PLXNA2: variants seen among roughly 807,000 people sequenced by gnomAD.
The protein encoded by PLXNA2 is plexin-A2.
Under a neutral mutation model 193.5 loss-of-function variants are expected in PLXNA2, and 91 were observed. The ratio of observed to expected loss-of-function variants is 0.47; its 90% CI spans 0.40 to 0.56. The LOEUF is 0.56. PLXNA2 is among the 20% of genes least tolerant of loss of function. The pLI is 0.00. For synonymous variants in PLXNA2, 997 were observed against 1,027.3 expected, an observed-to-expected ratio of 0.97 and a Z score of 0.56; for missense variants, 1,995 against 2,503.2, an observed-to-expected ratio of 0.80 and a Z score of 4.33.
rs556281000 is a variant in PLXNA2, at chr1:208,055,093, G to C, written c.2739-555C>G. Among the ~76,000 whole-genome samples the C allele has an allele frequency of 1.1e-3, 160 of 152,290 alleles. 2 individuals carry two copies. The South Asian group carries it at 0.033, about 31-fold the overall frequency. On this transcript the variant is annotated intron_variant, in intron 13 of 31. Transcript: ENST00000367033. ...AGAAGGAGCTCCCTGCAGAACGGGAGGGGTGGAGTCCTGCCGCAGTAGGCA... is the reference window on the plus strand; with the variant it reads ...AGAAGGAGCTCCCTGCAGAACGGGACGGGTGGAGTCCTGCCGCAGTAGGCA...
rs1671867121 is a variant in PLXNA2 at position 208,236,674 on chromosome 1, G to GCTGTC, written c.-81+6968_-81+6969insGACAG. On this transcript the variant is annotated intron_variant, in intron 1 of 31. Transcript: ENST00000367033. This position sits in a 1 kb window ranked among gnomAD's most constrained non-coding sequence, Gnocchi z 4.4. ...CTCAGTGAGTTGTCTACCACTCTCA[G>GCTGTC]AAGCACTGGGGTTACAGCTCCTCAT... Among the ~76,000 whole-genome samples the GCTGTC allele has an allele frequency of 1.3e-5, 2 of 152,198 alleles. No homozygotes were observed. Among genetic ancestry groups the GCTGTC allele is most frequent in the African/African-American group, 4.8e-5 (2 of 41,426 alleles).
chr1:208,173,223 A>G (rs1475152240), intron 3 of PLXNA2, among the ~76,000 whole-genome samples: 3 of 152,246 alleles, frequency 2.0e-5, no homozygotes, highest in African/African-American at 7.2e-5. Flanking sequence ...GATGGCACAG[A>G]AAACATTATG....
intron 2 of PLXNA2, among the ~76,000 whole-genome samples, chr1:208,213,765 T>C (rs1253443307): frequency 6.6e-6 from 1 of 152,204 alleles, no homozygotes; most frequent in African/African-American, 2.4e-5. Context: ...TCAGGGTCTT[T>C]AAGGGGCCAT....
At chr1:208,048,036 G>T (rs1665134958) in intron 17 of PLXNA2, among the ~76,000 whole-genome samples, 1 of 152,268 alleles carries the variant, frequency 6.6e-6, no homozygotes, top group African/African-American at 2.4e-5. Flanking sequence ...CCAATTCCTG[G>T]GTTCTGCAAG....
chr1:208,181,651 A>G (rs181104717), intron 3 of PLXNA2, among the ~76,000 whole-genome samples: 1 of 152,246 alleles, frequency 6.6e-6, no homozygotes, highest in East Asian at 1.9e-4. Flanking sequence ...GAAGTCAGAG[A>G]GGGGCTGGGA....
At chr1:208,152,160 C>T (rs371951934) in intron 3 of PLXNA2, among the ~76,000 whole-genome samples, 5 of 152,296 alleles carry the variant, frequency 3.3e-5, no homozygotes, top group African/African-American at 1.2e-4. Flanking sequence ...ATGGCATTTC[C>T]AGCTGTAGGG....
chr1:208,102,899 T>C (rs1667141350), intron 5 of PLXNA2, among the ~76,000 whole-genome samples: 1 of 152,152 alleles, frequency 6.6e-6, no homozygotes, highest in Admixed American at 6.5e-5. Context: ...AGCACCTCAC[T>C]TCAGAGCAGC....
At chr1:208,215,338 T>C (rs1412792487) in intron 2 of PLXNA2, among the ~76,000 whole-genome samples, 2 of 152,142 alleles carry the variant, frequency 1.3e-5, no homozygotes, top group African/African-American at 2.4e-5. Context: ...CCTAGTACAG[T>C]GCCAGGCATT....
chr1:208,110,054 G>C (rs4240825), intron 4 of PLXNA2, among the ~76,000 whole-genome samples: 145,233 of 152,326 alleles, frequency 0.95, 69,621 homozygotes, highest in East Asian at 1. Flanking sequence ...AGTGTACTAT[G>C]CTTCCCTTGA....
rs779829174 is a variant in PLXNA2 at position 208,038,525 on chromosome 1, G to A, written c.4661-51C>T. 7.7e-6 allele frequency: 11 copies of A among 1,422,868 alleles called. No homozygotes were observed. Among genetic ancestry groups the A allele is most frequent in the Middle Eastern group, 1.9e-4 (1 of 5,350 alleles). 88.1% of individuals were successfully genotyped at this position (1,422,868 alleles called of 1,614,324 possible). A position where few individuals can be genotyped will look rare whatever the true frequency, so the allele number is the denominator to read the frequency against. ...GCGGCGTGAGAGGGATGAGGGCTGTGAGCCAGTGTCTCCCGATTGCACCTT... is the reference window on the plus strand; with the variant it reads ...GCGGCGTGAGAGGGATGAGGGCTGTAAGCCAGTGTCTCCCGATTGCACCTT... On this transcript the variant is annotated intron_variant, in intron 25 of 31. Transcript: ENST00000367033. The surrounding 1 kb of genome is among the most constrained non-coding windows in gnomAD (Gnocchi z 4.1).
At chr1:208,106,824 C>T (rs1387251242) in intron 4 of PLXNA2, among the ~76,000 whole-genome samples, 1 of 152,200 alleles carries the variant, frequency 6.6e-6, no homozygotes, top group Admixed American at 6.5e-5. Context: ...TCTGACAGTG[C>T]TGCCCTAAAC....
chr1:208,037,429 A>T (rs1260696687), intron 26 of PLXNA2, among the ~76,000 whole-genome samples: 2 of 152,152 alleles, frequency 1.3e-5, no homozygotes, highest in African/African-American at 4.8e-5. Context: ...TTGGCAGCTC[A>T]GTGCCTGAGA....
chr1:208,214,578 A>G (rs898770150), intron 2 of PLXNA2, among the ~76,000 whole-genome samples: 1 of 152,154 alleles, frequency 6.6e-6, no homozygotes, highest in Non-Finnish European at 1.5e-5. Flanking sequence ...GGCACCTTCA[A>G]TTTAGAGTAC....
chr1:208,222,306 A>G (rs1671362786), intron 1 of PLXNA2, among the ~76,000 whole-genome samples: 3 of 152,166 alleles, frequency 2.0e-5, no homozygotes, highest in Admixed American at 6.5e-5. Flanking sequence ...GTCACTTGTC[A>G]CATGCATTCT....
chr1:208,225,523 G>A (rs1432177139), intron 1 of PLXNA2, among the ~76,000 whole-genome samples: 1 of 152,154 alleles, frequency 6.6e-6, no homozygotes, highest in African/African-American at 2.4e-5. Context: ...ATGCTAGCCA[G>A]GCTGGTCTTG....
chr1:208,096,743 G>T lies in PLXNA2; in HGVS notation c.1872C>A (p.Ile624=), dbSNP rs764812459. ...GATATTTCTTACCTTGATCCAGCGG[G>T]ATGACAGGGACATCCTTGGGCCCAG... ...ISPGPKDVPV[I]PLDQDWFGLE... is the part of the protein sequence containing the mutation. The change falls in exon 7 of 32, where the codon ATC becomes ATA. Residue 624 remains isoleucine (I), a synonymous_variant. Transcript: ENST00000367033. 9.9e-6 allele frequency: 16 copies of T among 1,614,020 alleles called. No homozygotes were observed. In the African/African-American group the frequency reaches 1.5e-4, roughly 15 times the overall value.
chr1:208,199,103 G>A (rs1394683919), intron 3 of PLXNA2, among the ~76,000 whole-genome samples: 3 of 152,192 alleles, frequency 2.0e-5, no homozygotes, highest in Non-Finnish European at 2.9e-5. Context: ...TAACGTGTAA[G>A]ACTTGAGGGT....
intron 3 of PLXNA2, among the ~76,000 whole-genome samples, chr1:208,148,330 T>C (rs1668660621): frequency 6.6e-6 from 1 of 152,168 alleles, no homozygotes; most frequent in African/African-American, 2.4e-5. Context: ...AATCTTCTTC[T>C]TGGGTTTCTT....
At chr1:208,086,990 TGAGAGA>T (rs57506358) in intron 9 of PLXNA2, among the ~76,000 whole-genome samples, 12,383 of 138,294 alleles carry the variant, frequency 0.09, 742 homozygotes, top group East Asian at 0.22. Flanking sequence ...TGTGTGTGTG[TGAGAGA>T]GAGAGAGAGA....
Sources: allele counts gnomAD v4.1 joint callset (sites outside exome capture counted in the v4.1 genomes callset), GRCh38; gene constraint gnomAD v4.1.1; non-coding constraint Gnocchi (gnomAD v3.1); transcripts MANE v1.5; gene names NCBI Gene and HGNC (gene_info 2026-07-23, HGNC 2026-07-21).